P3H2: variants seen among roughly 807,000 people sequenced by gnomAD.
P3H2 encodes prolyl 3-hydroxylase 2, also known as leprecan-like 1.
P3H2 carries 80 observed loss-of-function variants against 87.0 expected under a neutral mutation model. The ratio of observed to expected loss-of-function variants is 0.92; its 90% CI spans 0.77 to 1.11. The LOEUF (loss-of-function observed/expected upper bound fraction) is 1.11, where lower values mean the gene tolerates loss of function less well. Ranked by LOEUF, P3H2 falls within the 50% of genes least tolerant of loss-of-function variation. The pLI is 0.00. For missense variants in P3H2, 1,001 were observed against 923.9 expected, an observed-to-expected ratio of 1.08 and a Z score of -1.08; for synonymous variants, 367 against 359.3, an observed-to-expected ratio of 1.02 and a Z score of -0.24.
chr3:190,109,453 T>G (rs543962186), intron 1 of P3H2, among the ~76,000 whole-genome samples: 1 of 152,220 alleles, frequency 6.6e-6, no homozygotes, highest in Admixed American at 6.5e-5. Flanking sequence ...CAGGTTGCAG[T>G]GGATTATTTA....
At chr3:189,976,744 T>C (rs916818746) in intron 8 of P3H2, among the ~76,000 whole-genome samples, 1 of 152,242 alleles carries the variant, frequency 6.6e-6, no homozygotes, top group African/African-American at 2.4e-5. Flanking sequence ...TGGCTAGAAG[T>C]TGATCCCTTA....
intron 14 of P3H2, among the ~76,000 whole-genome samples, chr3:189,959,809 T>A (rs1398415942): frequency 6.6e-6 from 1 of 151,836 alleles, no homozygotes; most frequent in Non-Finnish European, 1.5e-5. Flanking sequence ...AGACCACATG[T>A]TAGCTAAAGT....
chr3:190,027,263 C>T lies in P3H2; in HGVS notation c.481-31821G>A, dbSNP rs564837821. On this transcript the variant is annotated intron_variant, in intron 1 of 14. Transcript: ENST00000319332. ...GCCACTTAGCTCTGGACAGAGAAAC[C>T]ACCCAACAGATAATACTATACCATG... Among the ~76,000 whole-genome samples, 5 of 152,302 alleles carry T rather than the reference C, an allele frequency of 3.3e-5. No individual in the cohort carries two copies. In the South Asian group the frequency reaches 1.0e-3, roughly 32 times the overall value.
intron 1 of P3H2, among the ~76,000 whole-genome samples, chr3:190,081,177 T>G (rs1727030677): frequency 6.6e-6 from 1 of 152,202 alleles, no homozygotes; most frequent in Admixed American, 6.5e-5. Flanking sequence ...ACTCTAAAGA[T>G]TTTATGTGTT....
Position 189,983,032 on chromosome 3 carries a change from G to A in P3H2, c.1324+14C>T. On this transcript the variant is annotated intron_variant, in intron 8 of 14. Transcript: ENST00000319332. ...TTCCCCTCCTTTATAGGGTAAAAGT[G>A]CACAGCTACTTACCTTCTCTTAGGT... The A allele has an allele frequency of 6.3e-7, 1 of 1,594,080 alleles. No individual in the cohort carries two copies. The highest frequency in any genetic ancestry group is 8.6e-7 in the Non-Finnish European group (1 of 1,161,724).
chr3:190,082,781 C>G (rs1727085217), intron 1 of P3H2, among the ~76,000 whole-genome samples: 1 of 151,980 alleles, frequency 6.6e-6, no homozygotes, highest in South Asian at 2.1e-4. Flanking sequence ...CTGTAGACAA[C>G]AGAGGTGGGT....
intron 1 of P3H2, among the ~76,000 whole-genome samples, chr3:190,077,485 C>T (rs578252812): frequency 1.3e-5 from 2 of 152,290 alleles, no homozygotes; most frequent in African/African-American, 2.4e-5. Context: ...GACACACACA[C>T]AAACCAGCAA....
Position 190,094,937 on chromosome 3 carries a change from C to T in P3H2, c.480+25315G>A, listed in dbSNP as rs1042172990. On this transcript the variant is annotated intron_variant, in intron 1 of 14. Transcript: ENST00000319332. ...ATCATCCATGATTATGTCATTGTAT[C>T]GAGACAATTCTGCCACAGTCAGGCC... Among the ~76,000 whole-genome samples the T allele has an allele frequency of 4.6e-5, 7 of 151,984 alleles. No homozygotes were observed. The East Asian group carries it at 7.7e-4, about 17-fold the overall frequency.
At chr3:190,108,203 G>C (rs1339374235) in intron 1 of P3H2, among the ~76,000 whole-genome samples, 1 of 151,862 alleles carries the variant, frequency 6.6e-6, no homozygotes, top group Non-Finnish European at 1.5e-5. Flanking sequence ...CCTGGCTATA[G>C]TGCAGTGGTG....
intron 1 of P3H2, among the ~76,000 whole-genome samples, chr3:190,059,733 G>A (rs1410586835): frequency 2.0e-5 from 3 of 152,046 alleles, no homozygotes; most frequent in African/African-American, 4.8e-5. Flanking sequence ...TGATGGCTAG[G>A]GGACAAAACC....
chr3:189,957,723 AG>A lies in P3H2; in HGVS notation c.*188del. The stretch of plus-strand genomic sequence containing the variant: ...AGAAGAGAGAGAGAGAGAGAGAGAG[AG>A]AAAACAACCCAAAACAAGAAAGATA... On this transcript the variant is annotated 3_prime_UTR_variant, in exon 15 of 15. Coordinates refer to ENST00000319332, the MANE Select transcript of P3H2 (RefSeq NM_018192.4). 1.6e-6 allele frequency: 1 copy of A among 611,684 alleles called. No homozygotes were observed. Among genetic ancestry groups the A allele is most frequent in the Non-Finnish European group, 2.9e-6 (1 of 347,260 alleles). 37.9% of individuals were successfully genotyped at this position (611,684 alleles called of 1,614,324 possible). A position where few individuals can be genotyped will look rare whatever the true frequency, so the allele number is the denominator to read the frequency against.
At chr3:190,019,187 AAAG>A (rs1448555479) in intron 1 of P3H2, among the ~76,000 whole-genome samples, 2 of 152,186 alleles carry the variant, frequency 1.3e-5, no homozygotes, top group Non-Finnish European at 2.9e-5. Flanking sequence ...GAGGGAAACC[AAAG>A]AAGACTGGCC....
intron 1 of P3H2, among the ~76,000 whole-genome samples, chr3:190,117,351 G>A (rs550410748): frequency 1.7e-4 from 26 of 152,276 alleles, no homozygotes; most frequent in Non-Finnish European, 2.8e-4. Context: ...GGATTTGGGG[G>A]AGCAGTAACA....
intron 1 of P3H2, among the ~76,000 whole-genome samples, chr3:190,002,028 G>A (rs1307451209): frequency 6.6e-6 from 1 of 152,062 alleles, no homozygotes; most frequent in Non-Finnish European, 1.5e-5. Flanking sequence ...TGTAAAGTAT[G>A]GGCTTATGAA....
At chr3:190,081,804 T>C (rs1355731071) in intron 1 of P3H2, among the ~76,000 whole-genome samples, 1 of 152,066 alleles carries the variant, frequency 6.6e-6, no homozygotes, top group African/African-American at 2.4e-5. Flanking sequence ...AGTTGAAGAG[T>C]CAATCATAGG....
At chr3:190,077,518 T>C (rs1303459981) in intron 1 of P3H2, among the ~76,000 whole-genome samples, 1 of 152,206 alleles carries the variant, frequency 6.6e-6, no homozygotes, top group Non-Finnish European at 1.5e-5. Flanking sequence ...AAATCTGTCC[T>C]GGAGATGGGA....
intron 7 of P3H2, 27 bp from the exon 8 acceptor site, chr3:189,983,167 C>T: frequency 6.5e-7 from 1 of 1,544,986 alleles, no homozygotes; most frequent in Non-Finnish European, 8.9e-7. Flanking sequence ...TTTAAAATGG[C>T]AATTTGTCAT....
intron 1 of P3H2, among the ~76,000 whole-genome samples, chr3:190,110,307 A>T (rs985580910): frequency 4.6e-5 from 7 of 152,358 alleles, no homozygotes; most frequent in Middle Eastern, 3.4e-3. Flanking sequence ...GGTAAAGGCC[A>T]GGAATGTTGC....
intron 13 of P3H2, among the ~76,000 whole-genome samples, chr3:189,965,610 G>C (rs1722952282): frequency 6.6e-6 from 1 of 152,216 alleles, no homozygotes; most frequent in African/African-American, 2.4e-5. Context: ...ATGTGATTCT[G>C]TTTTTCTGGA....
Sources: allele counts gnomAD v4.1 joint callset (sites outside exome capture counted in the v4.1 genomes callset), GRCh38; gene constraint gnomAD v4.1.1; transcripts MANE v1.5; gene names NCBI Gene and HGNC (gene_info 2026-07-23, HGNC 2026-07-21).